The following DLGAP1 variants were observed in gnomAD, a reference collection of about 807,000 sequenced individuals.
The protein encoded by DLGAP1 is disks large-associated protein 1.
A neutral mutation model predicts 90.8 loss-of-function variants in DLGAP1; 11 were observed. The ratio of observed to expected loss-of-function variants is 0.12; its 90% confidence interval spans 0.08 to 0.20. DLGAP1 has a LOEUF of 0.20. Among genes scored for constraint, DLGAP1 ranks in the 10% least tolerant of loss-of-function variants. The probability of loss-of-function intolerance (pLI) is 1.00; values close to 1 mark genes in which losing one functional copy is unlikely to be tolerated. For synonymous variants in DLGAP1, 558 were observed against 540.7 expected, an observed-to-expected ratio of 1.03 and a Z score of -0.44; for missense variants, 1,050 against 1,333.8, an observed-to-expected ratio of 0.79 and a Z score of 3.31.
At chr18:4,280,263 ATTAAT>A (rs1343794259) in intron 1 of DLGAP1, among the ~76,000 whole-genome samples, 4 of 152,220 alleles carry the variant, frequency 2.6e-5, no homozygotes, top group Non-Finnish European at 5.9e-5. Context: ...CCTGGCAATT[ATTAAT>A]TTATTCATAT....
chr18:4,037,212 G>A (rs2074903097), intron 2 of DLGAP1, among the ~76,000 whole-genome samples: 1 of 152,142 alleles, frequency 6.6e-6, no homozygotes, highest in Non-Finnish European at 1.5e-5. Flanking sequence ...CACCAGTTTA[G>A]GGTTGATTTG....
chr18:4,273,231 T>A (rs1172929776), intron 1 of DLGAP1, among the ~76,000 whole-genome samples: 2 of 152,188 alleles, frequency 1.3e-5, no homozygotes, highest in African/African-American at 4.8e-5. Context: ...AATCATTTGT[T>A]AACCTCTCAC....
intron 5 of DLGAP1, among the ~76,000 whole-genome samples, chr18:3,799,378 T>C (rs1452294020): frequency 1.3e-5 from 2 of 152,152 alleles, no homozygotes; most frequent in Non-Finnish European, 2.9e-5. Context: ...TAAGGCGTGC[T>C]GTCCCTTCTG....
intron 3 of DLGAP1, among the ~76,000 whole-genome samples, chr18:3,939,416 C>CAAAAAAAAAAAAAA (rs10591716): frequency 9.7e-5 from 8 of 82,126 alleles, no homozygotes; most frequent in Non-Finnish European, 1.1e-4. Flanking sequence ...GATTCTGTCT[C>CAAAAAAAAAAAAAA]AAAAAAAAAA....
At chr18:4,360,374 G>C (rs1427685279) in intron 1 of DLGAP1, among the ~76,000 whole-genome samples, 1 of 152,186 alleles carries the variant, frequency 6.6e-6, no homozygotes, top group East Asian at 1.9e-4. Flanking sequence ...GTCTAGAACA[G>C]ACTTACACAG....
At chr18:4,344,790 G>A (rs1223344878) in intron 1 of DLGAP1, among the ~76,000 whole-genome samples, 4 of 152,138 alleles carry the variant, frequency 2.6e-5, no homozygotes, top group Admixed American at 6.5e-5. Flanking sequence ...CTCAGCCATC[G>A]TGTTATGACC....
chr18:3,723,449 T>C (rs1285972826), intron 7 of DLGAP1, among the ~76,000 whole-genome samples: 1 of 152,112 alleles, frequency 6.6e-6, no homozygotes, highest in Non-Finnish European at 1.5e-5. Context: ...GTGGAGTACT[T>C]AAAGATTTTT....
At chr18:3,523,450 A>G (rs1290099630) in intron 10 of DLGAP1, among the ~76,000 whole-genome samples, 2 of 152,160 alleles carry the variant, frequency 1.3e-5, no homozygotes, top group Non-Finnish European at 2.9e-5. Context: ...TTTGCAAACC[A>G]CATAACCAAT....
At chr18:4,431,031 C>T (rs3907767) in intron 1 of DLGAP1, 41,597 of 153,390 alleles carry the variant, frequency 0.27, 6,165 homozygotes, top group East Asian at 0.37. Flanking sequence ...TCCTACTTCA[C>T]GGCTCCTAAC....
At position 3,526,216 on chromosome 18, in the gene DLGAP1, C is replaced by G. The variant is rs772822528; in HGVS notation, c.2479+7978G>C. 1.3e-5 allele frequency among the ~76,000 whole-genome samples: 2 copies of G among 152,150 alleles called. No homozygotes were observed. The highest frequency in any genetic ancestry group is 2.9e-5 in the Non-Finnish European group (2 of 68,026). ...GCTAGGCTAGAATGCAGCCATTGCT[C>G]CCCACTTAGAAACACACACGGGCTG... On this transcript the variant is annotated intron_variant, in intron 10 of 12. Coordinates refer to ENST00000315677, the MANE Select transcript of DLGAP1 (RefSeq NM_004746.4). The surrounding 1 kb of genome is among the most constrained non-coding windows in gnomAD (Gnocchi z 4.7).
intron 1 of DLGAP1, among the ~76,000 whole-genome samples, chr18:4,174,780 G>A (rs2077079509): frequency 6.6e-6 from 1 of 152,104 alleles, no homozygotes; most frequent in African/African-American, 2.4e-5. Context: ...CCCCCAACTG[G>A]CCCTGGTGTG....
In DLGAP1 at chr18:4,409,995, C is replaced by T. The variant is rs189764779; in HGVS notation, c.-267+45011G>A. Among the ~76,000 whole-genome samples, 14 of 152,254 alleles carry T rather than the reference C, an allele frequency of 9.2e-5. No individual in the cohort carries two copies. In the East Asian group the frequency reaches 2.5e-3, roughly 27 times the overall value. On this transcript the variant is annotated intron_variant, in intron 1 of 12. Coordinates refer to ENST00000315677, the MANE Select transcript of DLGAP1 (RefSeq NM_004746.4). The stretch of plus-strand genomic sequence containing the variant: ...TCAGCCATAAAAAGGAATGAATTAA[C>T]AGCATTTGCAATAACCTGGAAGAGA...
At chr18:4,137,580 C>G (rs1223707016) in intron 2 of DLGAP1, among the ~76,000 whole-genome samples, 2 of 152,062 alleles carry the variant, frequency 1.3e-5, no homozygotes, top group Admixed American at 1.3e-4. Context: ...CAGCTTTGTT[C>G]TTTTTGCTCA....
chr18:4,283,322 T>G (rs2079599870), intron 1 of DLGAP1, among the ~76,000 whole-genome samples: 1 of 152,224 alleles, frequency 6.6e-6, no homozygotes. Flanking sequence ...GGAAGACATT[T>G]CTTAAGTAAC....
At chr18:3,502,793 T>C in intron 11 of DLGAP1, 148 bp from the exon 12 acceptor site, 1 of 851,340 alleles carries the variant, frequency 1.2e-6, no homozygotes, top group Non-Finnish European at 1.8e-6. Context: ...AGGTTACAAA[T>C]GTTAATTTTA....
At chr18:3,513,843 G>A (rs978757896) in intron 10 of DLGAP1, among the ~76,000 whole-genome samples, 1 of 152,186 alleles carries the variant, frequency 6.6e-6, no homozygotes, top group African/African-American at 2.4e-5. Context: ...CTTTCCCACT[G>A]ACCTCTGTGG....
intron 1 of DLGAP1, among the ~76,000 whole-genome samples, chr18:4,260,767 A>G (rs2078987272): frequency 6.6e-6 from 1 of 152,220 alleles, no homozygotes; most frequent in African/African-American, 2.4e-5. Context: ...TATACTAGAG[A>G]CAATATCTGC....
At chr18:4,401,272 T>C (rs549998008) in intron 1 of DLGAP1, among the ~76,000 whole-genome samples, 8 of 152,336 alleles carry the variant, frequency 5.3e-5, no homozygotes, top group Admixed American at 1.3e-4. Flanking sequence ...TCACAGACCC[T>C]GGTTGGATGA....
At chr18:4,046,426 T>C (rs948123812) in intron 2 of DLGAP1, among the ~76,000 whole-genome samples, 3 of 152,252 alleles carry the variant, frequency 2.0e-5, no homozygotes, top group Admixed American at 1.3e-4. Flanking sequence ...TGTCTTTCCA[T>C]ATCATCTTAG....
Sources: allele counts gnomAD v4.1 joint callset (sites outside exome capture counted in the v4.1 genomes callset), GRCh38; gene constraint gnomAD v4.1.1; non-coding constraint Gnocchi (gnomAD v3.1); transcripts MANE v1.5; gene names NCBI Gene and HGNC (gene_info 2026-07-23, HGNC 2026-07-21).